ATP2C2: variants seen among roughly 807,000 people sequenced by gnomAD.
ATP2C2 encodes the protein ATPase secretory pathway Ca2+ transporting 2, also known as calcium-transporting ATPase type 2C member 2.
In ATP2C2, 171 loss-of-function variants were observed where a neutral mutation model predicts 110.8. The ratio of observed to expected loss-of-function variants is 1.54; its 90% confidence interval spans 1.36 to 1.75. ATP2C2 has a LOEUF of 1.75. ATP2C2 is among the 40% of genes most tolerant of loss of function. ATP2C2 has a pLI of 0.00. For missense variants in ATP2C2, 1,963 were observed against 1,235.0 expected (o/e 1.59, Z -8.84); for synonymous variants, 804 against 508.4 (o/e 1.58, Z -7.82).
At chr16:84,410,439 C>A in intron 4 of ATP2C2, 129 bp from the exon 5 acceptor site, 2 of 1,094,514 alleles carry the variant, frequency 1.8e-6, no homozygotes, top group Non-Finnish European at 2.8e-6. Flanking sequence ...TTCTAAATTT[C>A]TGTACTGTGC....
chr16:84,420,320 G>A (rs1210904471), intron 7 of ATP2C2, among the ~76,000 whole-genome samples: 2 of 152,040 alleles, frequency 1.3e-5, no homozygotes. Context: ...CCTATCGGAG[G>A]ATATGGATGG....
chr16:84,414,068 G>A (rs574310093), intron 6 of ATP2C2, among the ~76,000 whole-genome samples: 1 of 152,178 alleles, frequency 6.6e-6, no homozygotes, highest in East Asian at 1.9e-4. Flanking sequence ...ACTGGTAGAA[G>A]GGTGAGGACA....
Position 84,446,578 on chromosome 16 carries a change from A to AG in ATP2C2, c.1503+148_1503+149insG, listed in dbSNP as rs1909774041. On this transcript the variant is annotated intron_variant, in intron 16 of 26. Coordinates refer to ENST00000262429, the MANE Select transcript of ATP2C2 (RefSeq NM_014861.4). Reference sequence around the variant, plus strand: ...TACATGGAAAAACTTAATCACCATCATACCTTTGATTCTCTTGGGTCTGCT... The same window carrying AG: ...TACATGGAAAAACTTAATCACCATCAGTACCTTTGATTCTCTTGGGTCTGCT... 5.8e-6 allele frequency: 3 copies of AG among 517,592 alleles called. No individual in the cohort carries two copies. The East Asian group carries it at 9.9e-5, about 17-fold the overall frequency. 32.1% of individuals were successfully genotyped at this position (517,592 alleles called of 1,614,324 possible). A position where few individuals can be genotyped will look rare whatever the true frequency, so the allele number is the denominator to read the frequency against.
At chr16:84,448,311 A>C (rs1456771047) in intron 16 of ATP2C2, among the ~76,000 whole-genome samples, 2 of 152,204 alleles carry the variant, frequency 1.3e-5, no homozygotes, top group Non-Finnish European at 2.9e-5. Context: ...TACAGGTTGA[A>C]GATTGGCCTT....
intron 14 of ATP2C2, 82 bp downstream of exon 14, chr16:84,441,040 T>C (rs1234521539): frequency 6.0e-6 from 7 of 1,176,222 alleles, no homozygotes; most frequent in East Asian, 2.4e-5. Context: ...GAAACAGCCA[T>C]TGAACCTACT....
intron 15 of ATP2C2, among the ~76,000 whole-genome samples, chr16:84,444,130 G>A (rs1287053688): frequency 3.7e-5 from 5 of 135,976 alleles, no homozygotes; most frequent in Middle Eastern, 4.4e-3. Flanking sequence ...TCACACCACT[G>A]CACTCCAGTC....
chr16:84,406,030 C>A (rs1421215154), intron 3 of ATP2C2, among the ~76,000 whole-genome samples: 1 of 152,164 alleles, frequency 6.6e-6, no homozygotes, highest in African/African-American at 2.4e-5. Context: ...CAAAAAGTTC[C>A]TTGTTTTTCT....
chr16:84,414,443 C>G (rs760395752), intron 6 of ATP2C2, among the ~76,000 whole-genome samples: 1 of 152,156 alleles, frequency 6.6e-6, no homozygotes, highest in Non-Finnish European at 1.5e-5. Flanking sequence ...GCCAAACACG[C>G]AAAGGCCCTA....
At chr16:84,395,177 G>A (rs1425041723) in intron 1 of ATP2C2, among the ~76,000 whole-genome samples, 1 of 152,036 alleles carries the variant, frequency 6.6e-6, no homozygotes, top group Non-Finnish European at 1.5e-5. Context: ...TACTCACAGA[G>A]GGAAGTCGGA....
intron 21 of ATP2C2, among the ~76,000 whole-genome samples, chr16:84,455,608 G>A (rs964238719): frequency 4.0e-5 from 6 of 151,766 alleles, no homozygotes; most frequent in Non-Finnish European, 7.4e-5. Flanking sequence ...TAAGCTAATC[G>A]CAGTGGTTAG....
At chr16:84,411,690 C>T (rs1292498585) in intron 6 of ATP2C2, among the ~76,000 whole-genome samples, 3 of 152,210 alleles carry the variant, frequency 2.0e-5, no homozygotes, top group Non-Finnish European at 4.4e-5. Context: ...GATCTGCCTG[C>T]CTCAGCCTCC....
chr16:84,394,828 C>T (rs940976268), intron 1 of ATP2C2, among the ~76,000 whole-genome samples: 1 of 152,116 alleles, frequency 6.6e-6, no homozygotes, highest in African/African-American at 2.4e-5. Flanking sequence ...CTCCTTTTTG[C>T]AAGAACATCG....
At chr16:84,462,174 A>C (rs1911441596) in intron 26 of ATP2C2, 45 bp downstream of exon 26, 1 of 1,584,226 alleles carries the variant, frequency 6.3e-7, no homozygotes, top group Non-Finnish European at 8.6e-7. Context: ...GACCAGGGCC[A>C]TGGGGGGCGG....
intron 1 of ATP2C2, among the ~76,000 whole-genome samples, chr16:84,369,674 T>C (rs1909837283): frequency 6.6e-6 from 1 of 152,162 alleles, no homozygotes; most frequent in African/African-American, 2.4e-5. Context: ...GCTGAAAAAA[T>C]ATTTGACTTA....
At position 84,422,509 on chromosome 16, in the gene ATP2C2, G is replaced by T; in HGVS notation, c.744G>T (p.Met248Ile). The T allele has an allele frequency of 1.9e-6, 3 of 1,614,062 alleles. No homozygotes were observed. The highest frequency in any genetic ancestry group is 2.5e-6 in the Non-Finnish European group (3 of 1,180,002). The change falls in exon 8 of 27, where the codon ATG becomes ATT. Residue 248 changes from methionine to isoleucine, a missense_variant. Transcript: ENST00000262429. ...DLTTLSNIVFMGTLVQYGRGQ... is the reference protein window; with the variant it reads ...DLTTLSNIVFIGTLVQYGRGQ... ...CCACCCTCAGCAACATCGTCTTCAT[G>T]GGGACCCTGGTGCAGTATGGGAGGG...
chr16:84,458,527 C>A (rs1910914050), intron 21 of ATP2C2, among the ~76,000 whole-genome samples: 1 of 149,010 alleles, frequency 6.7e-6, no homozygotes, highest in Admixed American at 6.7e-5. Context: ...AAAAAAAAGT[C>A]ATAATATCAG....
At chr16:84,426,676 C>G (rs1362258148) in intron 11 of ATP2C2, among the ~76,000 whole-genome samples, 1 of 152,220 alleles carries the variant, frequency 6.6e-6, no homozygotes, top group Non-Finnish European at 1.5e-5. Context: ...CAAGCACCCA[C>G]ATGATACACA....
intron 6 of ATP2C2, among the ~76,000 whole-genome samples, chr16:84,411,760 T>C (rs1239668273): frequency 6.6e-6 from 1 of 152,140 alleles, no homozygotes; most frequent in African/African-American, 2.4e-5. Flanking sequence ...AAATTCTTAA[T>C]GTTATTTAAT....
At chr16:84,419,422 G>A (rs1907130207) in intron 7 of ATP2C2, among the ~76,000 whole-genome samples, 1 of 151,910 alleles carries the variant, frequency 6.6e-6, no homozygotes, top group Admixed American at 6.6e-5. Flanking sequence ...CCCTTATGAG[G>A]ACCCTCGTGA....
Sources: gnomAD v4.1 joint callset for allele counts (sites outside exome capture counted in the v4.1 genomes callset) on GRCh38, gnomAD v4.1.1 for gene constraint, MANE v1.5 for transcripts, NCBI Gene and HGNC (gene_info 2026-07-23, HGNC 2026-07-21) for gene names.